The following BRCA1 variants were observed in gnomAD, a reference collection of about 807,000 sequenced individuals.
BRCA1 encodes the protein breast cancer type 1 susceptibility protein.
Under a neutral mutation model 173.7 loss-of-function variants are expected in BRCA1, and 140 were observed. That is an observed-to-expected ratio of 0.81 (90% CI 0.70 to 0.93). BRCA1 has a LOEUF of 0.93. Among genes scored for constraint, BRCA1 ranks in the 40% least tolerant of loss-of-function variants. BRCA1 has a pLI of 0.00. For missense variants in BRCA1, 1,983 were observed against 2,172.5 expected (o/e 0.91, Z 1.73); for synonymous variants, 662 against 756.0 (o/e 0.88, Z 2.04).
At chr17:43,089,515 AC>A (rs2053358607) in intron 11 of BRCA1, among the ~76,000 whole-genome samples, 1 of 151,256 alleles carries the variant, frequency 6.6e-6, no homozygotes, top group South Asian at 2.1e-4. Flanking sequence ...ATTGGCCTTG[AC>A]CATTAGGTCC....
chr17:43,156,152 G>T (rs1462539531), intron 1 of BRCA1, among the ~76,000 whole-genome samples: 1 of 151,910 alleles, frequency 6.6e-6, no homozygotes, highest in Non-Finnish European at 1.5e-5. Flanking sequence ...CAGGAGAATT[G>T]CTTGAACCCG....
At chr17:43,124,415 T>A (rs1253624334) in intron 1 of BRCA1, among the ~76,000 whole-genome samples, 1 of 152,170 alleles carries the variant, frequency 6.6e-6, no homozygotes, top group African/African-American at 2.4e-5. Context: ...GGTGGTAGCC[T>A]TAGCTTTCTC....
At chr17:43,109,314 GA>G (rs1401350612) in intron 3 of BRCA1, among the ~76,000 whole-genome samples, 1 of 152,108 alleles carries the variant, frequency 6.6e-6, no homozygotes, top group Non-Finnish European at 1.5e-5. Flanking sequence ...CATTTTTATA[GA>G]GTAGAGGCTT....
intron 1 of BRCA1, among the ~76,000 whole-genome samples, chr17:43,147,590 A>G (rs12952790): frequency 0.32 from 48,012 of 151,940 alleles, 7,896 homozygotes; most frequent in South Asian, 0.49. Context: ...TTACACGTGT[A>G]AGCCATCCCG....
intron 1 of BRCA1, among the ~76,000 whole-genome samples, chr17:43,145,771 G>T (rs868111282): frequency 6.6e-6 from 1 of 151,948 alleles, no homozygotes; most frequent in Non-Finnish European, 1.5e-5. Context: ...TTTGCTGGTT[G>T]TTTATTTTTT....
intron 3 of BRCA1, among the ~76,000 whole-genome samples, chr17:43,108,907 C>G (rs1012325069): frequency 6.6e-6 from 1 of 151,964 alleles, no homozygotes; most frequent in Non-Finnish European, 1.5e-5. Context: ...GCAGGAGAAT[C>G]TCTTGAACCC....
At chr17:43,073,832 G>A (rs542437045) in intron 14 of BRCA1, among the ~76,000 whole-genome samples, 3 of 152,022 alleles carry the variant, frequency 2.0e-5, no homozygotes, top group South Asian at 2.1e-4. Flanking sequence ...TTGGCTCACC[G>A]CAACCTCCGC....
At chr17:43,091,147 G>T (rs2154261357) in intron 10 of BRCA1, 115 bp from the exon 11 acceptor site, 1 of 1,088,076 alleles carries the variant, frequency 9.2e-7, no homozygotes, top group East Asian at 2.6e-5. Context: ...CACACAAAAT[G>T]ATTAAATTCC....
chr17:43,160,256 C>G (rs564958577), intron 1 of BRCA1: 1 of 151,800 alleles, frequency 6.6e-6, no homozygotes, highest in Non-Finnish European at 1.5e-5. Flanking sequence ...TGTAGCAGGA[C>G]GAGCTGCAGA....
upstream of BRCA1, chr17:43,125,565 TA>T (rs901029407): frequency 3.3e-6 from 1 of 307,466 alleles, no homozygotes; most frequent in South Asian, 2.8e-5. Context: ...CCGGATGACG[TA>T]AAAGGAAAGA....
At position 43,051,062 on chromosome 17, in the gene BRCA1, C is replaced by G. The variant is rs80358041; in HGVS notation, c.5332+1G>C. 2 of 1,613,860 alleles carry G rather than the reference C, an allele frequency of 1.2e-6. No homozygotes were observed. ...ACTCTGGGGTTCTCCCAGGCTCTTACCTGTGGGCATGTTGGTGAAGGGCCC... is the reference window on the plus strand; with the variant it reads ...ACTCTGGGGTTCTCCCAGGCTCTTAGCTGTGGGCATGTTGGTGAAGGGCCC... On this transcript the variant is annotated splice_donor_variant, in intron 20 of 22. Coordinates refer to ENST00000357654, the MANE Select transcript of BRCA1 (RefSeq NM_007294.4). LOFTEE classifies it high-confidence loss of function.
rs1164807386 is a variant in BRCA1 at position 43,094,496 on chromosome 17, A to T, written c.1035T>A (p.Asp345Glu). ...TCCATTCTTTTCTCTCACACAGGGG[A>T]TCAGCATTCAGATCTACCTTTTTTT... Reference protein sequence around the residue: ...STEKKVDLNADPLCERKEWNK... With the variant: ...STEKKVDLNAEPLCERKEWNK... The change falls in exon 10 of 23, where the codon GAT (aspartate) becomes GAA (glutamate). Residue 345 changes from aspartate (D) to glutamate (E), a missense_variant. Coordinates refer to ENST00000357654, the MANE Select transcript of BRCA1 (RefSeq NM_007294.4). The T allele has an allele frequency of 6.2e-7, 1 of 1,613,968 alleles. No homozygotes were observed. Among genetic ancestry groups the T allele is most frequent in the South Asian group, 1.1e-5 (1 of 91,076 alleles).
upstream of BRCA1, among the ~76,000 whole-genome samples, chr17:43,128,585 T>TGA (rs750674976): frequency 6.6e-5 from 10 of 152,032 alleles, no homozygotes; most frequent in Non-Finnish European, 1.3e-4. Flanking sequence ...GCAAAGAAAA[T>TGA]GAGAGAGAGT....
rs80357509 is a variant in BRCA1 at position 43,092,045 on chromosome 17, AT to A, written c.3485del (p.Asp1162ValfsTer48). On this transcript the variant is annotated frameshift_variant, in exon 10 of 23. Coordinates refer to ENST00000357654, the MANE Select transcript of BRCA1 (RefSeq NM_007294.4). LOFTEE classifies it high-confidence loss of function. ...TAATGTCATTTTCAGCAAAACTAGT[AT>A]CTTCCTTTATTTCACCATCATCTAA... ...DLLDDGEIKE[D>X]TSFAENDIKE... is the part of the protein sequence containing the mutation. 3 of 1,613,954 alleles carry A rather than the reference AT, an allele frequency of 1.9e-6. No homozygotes were observed. The highest frequency in any genetic ancestry group is 2.5e-6 in the Non-Finnish European group (3 of 1,180,032).
chr17:43,073,393 A>C (rs2052541519), intron 14 of BRCA1, among the ~76,000 whole-genome samples: 1 of 152,144 alleles, frequency 6.6e-6, no homozygotes, highest in Non-Finnish European at 1.5e-5. Context: ...AACATTTCAG[A>C]AAATGCCATG....
intron 1 of BRCA1, chr17:43,138,435 T>C (rs1003175346): frequency 5.2e-6 from 3 of 581,732 alleles, no homozygotes; most frequent in Non-Finnish European, 3.1e-6. Flanking sequence ...GAATGACACC[T>C]CTCCAGGCCT....
At position 43,125,113 on chromosome 17, in the gene BRCA1, C is replaced by G. The variant is rs558495450; in HGVS notation, c.-20+158G>C. The G allele has an allele frequency of 5.4e-4, 237 of 440,542 alleles. 3 individuals are homozygous for G. Among genetic ancestry groups the G allele is most frequent in the South Asian group, 3.7e-3 (234 of 63,096 alleles). 27.3% of individuals were successfully genotyped at this position (440,542 alleles called of 1,614,324 possible). ...CGCTTCCCTCGCGACCTACAAACTG[C>G]CCCCCTCCCCAGGGTTCACAACGCC... On this transcript the variant is annotated intron_variant, in intron 1 of 22. Transcript: ENST00000357654.
intron 13 of BRCA1, 29 bp downstream of exon 13, chr17:43,076,459 C>G: frequency 6.2e-7 from 1 of 1,610,576 alleles, no homozygotes; most frequent in Non-Finnish European, 8.5e-7. Flanking sequence ...TGTCAGATAC[C>G]ACAGCATCTT....
rs1157139548 is a variant in BRCA1, at chr17:43,044,933, A to G, written c.*745T>C. ...ATTCTCCTGCCTTAGCCACCTGAGTAGCTGGGATTACAGGTGTCCACCACC... is the reference window on the plus strand; with the variant it reads ...ATTCTCCTGCCTTAGCCACCTGAGTGGCTGGGATTACAGGTGTCCACCACC... On this transcript the variant is annotated 3_prime_UTR_variant, in exon 23 of 23. Coordinates refer to ENST00000357654, the MANE Select transcript of BRCA1 (RefSeq NM_007294.4). 1 of 474,822 alleles carries G rather than the reference A, an allele frequency of 2.1e-6. No homozygotes were observed. The highest frequency in any genetic ancestry group is 2.0e-5 in the African/African-American group (1 of 50,182). 29.4% of individuals were successfully genotyped at this position (474,822 alleles called of 1,614,324 possible).
Sources: gnomAD v4.1 joint callset for allele counts (sites outside exome capture counted in the v4.1 genomes callset) on GRCh38, gnomAD v4.1.1 for gene constraint, MANE v1.5 for transcripts, NCBI Gene and HGNC (gene_info 2026-07-23, HGNC 2026-07-21) for gene names.